Variants in PCLO observed in about 807,000 individuals in gnomAD.
PCLO encodes piccolo presynaptic cytomatrix protein.
PCLO carries 82 observed loss-of-function variants against 427.5 expected under a neutral mutation model. That is an observed-to-expected ratio of 0.19 (90% CI 0.16 to 0.23). The LOEUF is 0.23. PCLO is among the 10% of genes least tolerant of loss of function. The pLI is 1.00. For missense variants in PCLO, 6,239 were observed against 6,115.9 expected, an observed-to-expected ratio of 1.02 and a Z score of -0.67; for synonymous variants, 2,357 against 2,155.4, an observed-to-expected ratio of 1.09 and a Z score of -2.59.
chr7:82,914,565 TA>T, intron 7 of PCLO, 120 bp downstream of exon 7: 1 of 934,694 alleles, frequency 1.1e-6, no homozygotes, highest in South Asian at 1.4e-5. Context: ...AAAATTGAAG[TA>T]AACATGCAAA....
intron 3 of PCLO, among the ~76,000 whole-genome samples, chr7:83,093,492 A>ATATATATATT: frequency 1.7e-4 from 10 of 59,302 alleles, no homozygotes; most frequent in African/African-American, 3.2e-4. Flanking sequence ...ATATATATAT[A>ATATATATATT]TTTTTTTTTT....
chr7:82,802,525 C>A (rs1294873059), intron 21 of PCLO, among the ~76,000 whole-genome samples: 1 of 151,992 alleles, frequency 6.6e-6, no homozygotes, highest in Admixed American at 6.6e-5. Flanking sequence ...CTTATTTCTT[C>A]GGCTAGAGAA....
At chr7:82,957,939 G>A (rs533799953) in intron 4 of PCLO, among the ~76,000 whole-genome samples, 1 of 152,252 alleles carries the variant, frequency 6.6e-6, no homozygotes, top group African/African-American at 2.4e-5. Context: ...TTCGATTCAA[G>A]AATCAGAGAG....
In PCLO at chr7:82,780,893, T is replaced by C. The variant is rs536021091; in HGVS notation, c.15008-19400A>G. ...GGTGAATCATAATATTCAGATTGGTTGTTGTATGTTGAGAGTACACCATTT... is the reference window on the plus strand; with the variant it reads ...GGTGAATCATAATATTCAGATTGGTCGTTGTATGTTGAGAGTACACCATTT... On this transcript the variant is annotated intron_variant, in intron 22 of 24. Transcript: ENST00000333891. Among the ~76,000 whole-genome samples the C allele has an allele frequency of 1.1e-4, 17 of 152,328 alleles. No homozygotes were observed. The South Asian group carries it at 3.3e-3, about 30-fold the overall frequency.
intron 3 of PCLO, among the ~76,000 whole-genome samples, chr7:82,997,444 T>C (rs1021657741): frequency 6.6e-6 from 1 of 152,036 alleles, no homozygotes. Flanking sequence ...TACTTTTGTC[T>C]TTCTTGTTAT....
chr7:83,046,604 A>C (rs1390318924), intron 3 of PCLO, among the ~76,000 whole-genome samples: 1 of 151,978 alleles, frequency 6.6e-6, no homozygotes, highest in African/African-American at 2.4e-5. Context: ...TTGTTTTTCA[A>C]ATTTGTATTA....
At chr7:82,821,699 T>G in intron 20 of PCLO, 1 of 982,030 alleles carries the variant, frequency 1.0e-6, no homozygotes, top group Non-Finnish European at 1.2e-6. Context: ...ACATAGTATA[T>G]CTTGATTTCC....
At chr7:82,833,436 CTAGTCAT>C (rs1215712377) in intron 16 of PCLO, among the ~76,000 whole-genome samples, 2 of 152,088 alleles carry the variant, frequency 1.3e-5, no homozygotes, top group Non-Finnish European at 2.9e-5. Context: ...AGACCTTTTC[CTAGTCAT>C]TCTCTCACCT....
At chr7:83,006,798 T>C (rs1787957304) in intron 3 of PCLO, among the ~76,000 whole-genome samples, 1 of 151,356 alleles carries the variant, frequency 6.6e-6, no homozygotes, top group African/African-American at 2.4e-5. Context: ...CCTTCCTTGT[T>C]TTTATTACAC....
In PCLO at chr7:82,914,931, G is replaced by T. The variant is rs759182919; in HGVS notation, c.13055C>A (p.Pro4352Gln). The T allele has an allele frequency of 6.2e-7, 1 of 1,613,624 alleles. No homozygotes were observed. The highest frequency in any genetic ancestry group is 1.1e-5 in the South Asian group (1 of 91,074). ...LPISQSRGRI[P>Q]IVAQNSEEES... The stretch of plus-strand genomic sequence containing the variant: ...TTCTTCAGAATTCTGGGCCACAATT[G>T]GTATTCTTCCTCTACTTTGACTAAT... The change falls in exon 7 of 25, where the codon CCA becomes CAA. Residue 4352 changes from proline to glutamine, a missense_variant. Physicochemically the swap from Pro to Gln is moderately conservative, Grantham distance 76. Transcript: ENST00000333891.
At chr7:83,092,885 T>A (rs1790414884) in intron 3 of PCLO, among the ~76,000 whole-genome samples, 1 of 140,298 alleles carries the variant, frequency 7.1e-6, no homozygotes, top group Admixed American at 8.0e-5. Flanking sequence ...AGGCAGAGGT[T>A]GCAGTGAGCC....
At chr7:82,783,917 T>C (rs913260703) in intron 22 of PCLO, among the ~76,000 whole-genome samples, 1 of 151,160 alleles carries the variant, frequency 6.6e-6, no homozygotes, top group Non-Finnish European at 1.5e-5. Context: ...TATAATTATA[T>C]ATGTATAGTT....
chr7:82,967,186 T>A (rs1386083397), intron 3 of PCLO, among the ~76,000 whole-genome samples: 1 of 148,696 alleles, frequency 6.7e-6, no homozygotes, highest in Non-Finnish European at 1.5e-5. Context: ...AAACATTTTC[T>A]TTCTTCTTTT....
At chr7:82,775,497 A>G (rs1193540029) in intron 22 of PCLO, among the ~76,000 whole-genome samples, 1 of 152,196 alleles carries the variant, frequency 6.6e-6, no homozygotes, top group East Asian at 1.9e-4. Context: ...ATGATATAGA[A>G]CATCTTTTCA....
chr7:82,775,125 A>C (rs988269754), intron 22 of PCLO, among the ~76,000 whole-genome samples: 1 of 152,196 alleles, frequency 6.6e-6, no homozygotes, highest in Non-Finnish European at 1.5e-5. Context: ...CAGTTTATTT[A>C]TCCATTCATC....
At chr7:82,832,799 C>CACA (rs1792127542) in intron 16 of PCLO, among the ~76,000 whole-genome samples, 1 of 87,110 alleles carries the variant, frequency 1.1e-5, no homozygotes, top group Non-Finnish European at 2.1e-5. Flanking sequence ...ACTAAACTTA[C>CACA]TACACACACA....
intron 3 of PCLO, among the ~76,000 whole-genome samples, chr7:83,071,562 C>T (rs1048769185): frequency 6.6e-6 from 1 of 152,052 alleles, no homozygotes; most frequent in Non-Finnish European, 1.5e-5. Context: ...TGTTCTTCTC[C>T]CTCACCCTCT....
At position 82,950,844 on chromosome 7, in the gene PCLO, T is replaced by C. The variant is rs546168963; in HGVS notation, c.9744A>G (p.Gln3248=). ...ACTTTTTCTGAACCATGATCTTTTC[T>C]TGTTCTCGGAACCTTTGAATTTCCT... ...ERQEIQRFRE[Q]EKIMVQKKLE... Residue 3248 remains glutamine, a synonymous_variant, in exon 6 of 25, where the codon CAA becomes CAG. Coordinates refer to ENST00000333891, the MANE Select transcript of PCLO (RefSeq NM_033026.6). 6.8e-6 allele frequency: 11 copies of C among 1,613,712 alleles called. No homozygotes were observed. The highest frequency in any genetic ancestry group is 6.7e-5 in the African/African-American group (5 of 75,044).
intron 3 of PCLO, among the ~76,000 whole-genome samples, chr7:83,028,035 G>C (rs1788551965): frequency 6.8e-6 from 1 of 146,798 alleles, no homozygotes; most frequent in Non-Finnish European, 1.5e-5. Context: ...CATTCCCTTT[G>C]AAAACTGGCA....
Sources: allele counts gnomAD v4.1 joint callset (sites outside exome capture counted in the v4.1 genomes callset), GRCh38; gene constraint gnomAD v4.1.1; transcripts MANE v1.5; gene names NCBI Gene and HGNC (gene_info 2026-07-23, HGNC 2026-07-21).